Variants in MGAT4B observed in about 807,000 individuals in gnomAD.
MGAT4B encodes the protein alpha-1,3-mannosyl-glycoprotein 4-beta-N-acetylglucosaminyltransferase B.
Under a neutral mutation model 73.9 loss-of-function variants are expected in MGAT4B, and 38 were observed. The observed-to-expected ratio is 0.51, with a 90% CI of 0.40 to 0.67. The LOEUF is 0.67. MGAT4B is among the 30% of genes least tolerant of loss of function. MGAT4B has a pLI of 0.00. For synonymous variants in MGAT4B, 373 were observed against 313.5 expected (o/e 1.19, Z -2.01); for missense variants, 686 against 735.2 (o/e 0.93, Z 0.77).
At position 179,800,062 on chromosome 5, in the gene MGAT4B, C is replaced by T; in HGVS notation, c.802G>A (p.Asp268Asn). The change falls in exon 8 of 15, where the codon GAT (aspartate) becomes AAT (asparagine). Residue 268 changes from aspartate to asparagine, a missense_variant. Coordinates refer to ENST00000292591, the MANE Select transcript of MGAT4B (RefSeq NM_014275.5). ...TAGTTGGGCTTGGCCACGATGTCAT[C>T]CTCCAGCTGCGAGGTGAGCAGAGAG... ...SKGIYYVQLEDDIVAKPNYLS... is the reference protein window; with the variant it reads ...SKGIYYVQLENDIVAKPNYLS... 2 of 1,613,950 alleles carry T rather than the reference C, an allele frequency of 1.2e-6. No individual in the cohort carries two copies. Among genetic ancestry groups the T allele is most frequent in the Non-Finnish European group, 8.5e-7 (1 of 1,179,918 alleles).
chr5:179,799,336 G>A, intron 9 of MGAT4B, 26 bp from the exon 10 acceptor site: 2 of 1,610,858 alleles, frequency 1.2e-6, no homozygotes, highest in Non-Finnish European at 1.7e-6. Context: ...AACACCCCAG[G>A]GCTCGGCTTA....
At position 179,797,899 on chromosome 5, in the gene MGAT4B, C is replaced by A; in HGVS notation, c.*146G>T. The A allele has an allele frequency of 1.7e-6, 2 of 1,180,916 alleles. No individual in the cohort carries two copies. The allele number at this position is 1,180,916 out of a possible 1,614,324, so 73.2% of individuals were successfully genotyped here. A position where few individuals can be genotyped will look rare whatever the true frequency, so the allele number is the denominator to read the frequency against. On this transcript the variant is annotated 3_prime_UTR_variant, in exon 15 of 15. Coordinates refer to ENST00000292591, the MANE Select transcript of MGAT4B (RefSeq NM_014275.5). ...CCAGCTCCTAGGGCCTCCGGGCCAG[C>A]GGCGGACCCCAGGCCGGCCCAAGCC...
chr5:179,806,410 C>T lies in MGAT4B; in HGVS notation c.97+77G>A, dbSNP rs1197359111. 4 of 945,308 alleles carry T rather than the reference C, an allele frequency of 4.2e-6. No homozygotes were observed. The highest frequency in any genetic ancestry group is 6.8e-5 in the East Asian group (1 of 14,778). The allele number at this position is 945,308 out of a possible 1,614,324, so 58.6% of individuals were successfully genotyped here. On this transcript the variant is annotated intron_variant, in intron 1 of 14. Coordinates refer to ENST00000292591, the MANE Select transcript of MGAT4B (RefSeq NM_014275.5). This position sits in a 1 kb window ranked among gnomAD's most constrained non-coding sequence, Gnocchi z 4.6. ...CCTGCGTCGGCTTCCGGCCGCCTTCCGCGGCCACCGCCGGGCCCGCTCCCG... is the reference window on the plus strand; with the variant it reads ...CCTGCGTCGGCTTCCGGCCGCCTTCTGCGGCCACCGCCGGGCCCGCTCCCG...
rs373982998 is a variant in MGAT4B at position 179,800,573 on chromosome 5, C to T, written c.630G>A (p.Gly210=). Residue 210 remains glycine (G), a synonymous_variant, in exon 6 of 15, where the codon GGG becomes GGA. Coordinates refer to ENST00000292591, the MANE Select transcript of MGAT4B (RefSeq NM_014275.5). ...GGGAGGGTGAGATGACCTCCAGGAGCCCAGAATGGATCTCCGTGGGGAACC... is the reference window on the plus strand; with the variant it reads ...GGGAGGGTGAGATGACCTCCAGGAGTCCAGAATGGATCTCCGTGGGGAACC... The part of the protein sequence containing the change: ...KALFPTEIHS[G]LLEVISPSPH... 1.7e-5 allele frequency: 27 copies of T among 1,611,210 alleles called. No individual in the cohort carries two copies. The African/African-American group carries it at 3.1e-4, about 18-fold the overall frequency.
chr5:179,802,727 C>G (rs999040152), intron 1 of MGAT4B: 1 of 985,710 alleles, frequency 1.0e-6, no homozygotes, highest in Non-Finnish European at 1.2e-6. Flanking sequence ...TGGGGCAGCA[C>G]AGAGGTGGGG....
Position 179,798,389 on chromosome 5 carries a change from T to TGGCGGTGCGGCCCTCCTGCAGGGC in MGAT4B, c.1444_1467dup (p.Ala482_Ala489dup). On this transcript the variant is annotated inframe_insertion, in exon 13 of 15. Coordinates refer to ENST00000292591, the MANE Select transcript of MGAT4B (RefSeq NM_014275.5). Reference sequence around the variant, plus strand: ...TCGGGGCTCCGAGGGTACCGGAGGGTGGCGGTGCGGCCCTCCTGCAGGGCC... The same window carrying TGGCGGTGCGGCCCTCCTGCAGGGC: ...TCGGGGCTCCGAGGGTACCGGAGGGTGGCGGTGCGGCCCTCCTGCAGGGCGGCGGTGCGGCCCTCCTGCAGGGCC... 6.2e-7 allele frequency: 1 copy of TGGCGGTGCGGCCCTCCTGCAGGGC among 1,612,532 alleles called. No individual in the cohort carries two copies. Among genetic ancestry groups the TGGCGGTGCGGCCCTCCTGCAGGGC allele is most frequent in the Admixed American group, 1.7e-5 (1 of 59,990 alleles).
At chr5:179,800,372 T>A in intron 6 of MGAT4B, 112 bp downstream of exon 6, 1 of 1,452,790 alleles carries the variant, frequency 6.9e-7, no homozygotes, top group Non-Finnish European at 9.6e-7. Flanking sequence ...GCACGGGTCC[T>A]CCCATGGAGA....
At position 179,797,947 on chromosome 5, in the gene MGAT4B, G is replaced by T; in HGVS notation, c.*98C>A. ...GCCCGACGCCAGGCAGAACCCTTTGGGCGGGGCCGTATCTGGCCCTCCGGG... is the reference window on the plus strand; with the variant it reads ...GCCCGACGCCAGGCAGAACCCTTTGTGCGGGGCCGTATCTGGCCCTCCGGG... On this transcript the variant is annotated 3_prime_UTR_variant, in exon 15 of 15. Coordinates refer to ENST00000292591, the MANE Select transcript of MGAT4B (RefSeq NM_014275.5). 2 of 1,489,386 alleles carry T rather than the reference G, an allele frequency of 1.3e-6. No individual in the cohort carries two copies. The highest frequency in any genetic ancestry group is 1.2e-5 in the South Asian group (1 of 82,666). 92.3% of individuals were successfully genotyped at this position (1,489,386 alleles called of 1,614,324 possible). A position where few individuals can be genotyped will look rare whatever the true frequency, so the allele number is the denominator to read the frequency against.
chr5:179,804,347 G>A (rs1260916671), intron 1 of MGAT4B, among the ~76,000 whole-genome samples: 1 of 152,186 alleles, frequency 6.6e-6, no homozygotes, highest in Non-Finnish European at 1.5e-5. Flanking sequence ...AGGAGTAAGG[G>A]TGTCCATCAT....
chr5:179,800,948 G>A lies in MGAT4B; in HGVS notation c.564C>T (p.Asp188=). The A allele has an allele frequency of 6.2e-7, 1 of 1,613,934 alleles. No individual in the cohort carries two copies. The highest frequency in any genetic ancestry group is 8.5e-7 in the Non-Finnish European group (1 of 1,179,964). ...SVIVVLIAET[D]SQYTSAVTEN... The stretch of plus-strand genomic sequence containing the variant: ...CTGTCACTGCCGAAGTGTACTGTGA[G>A]TCAGTCTGTGGGGAGACCAAGCACC... The change falls in exon 5 of 15, where the codon GAC becomes GAT. Residue 188 remains aspartate (D), a synonymous_variant. Coordinates refer to ENST00000292591, the MANE Select transcript of MGAT4B (RefSeq NM_014275.5).
chr5:179,802,889 C>T (rs1581979253), intron 1 of MGAT4B: 42 of 985,458 alleles, frequency 4.3e-5, no homozygotes, highest in Non-Finnish European at 5.1e-5. Flanking sequence ...ATGTGGCCTA[C>T]AAGGCCTTCT....
At position 179,800,260 on chromosome 5, in the gene MGAT4B, C is replaced by T. The variant is rs1262169294; in HGVS notation, c.720-1G>A. 2 of 1,613,098 alleles carry T rather than the reference C, an allele frequency of 1.2e-6. No individual in the cohort carries two copies. Among genetic ancestry groups the T allele is most frequent in the Non-Finnish European group, 8.5e-7 (1 of 1,180,006 alleles). ...ATCGAGGTTCTGTTTGGTCCTCCAC[C>T]TGTGGGCCGGGGCGGGGCCTCAGAA... On this transcript the variant is annotated splice_acceptor_variant, in intron 6 of 14. Coordinates refer to ENST00000292591, the MANE Select transcript of MGAT4B (RefSeq NM_014275.5). LOFTEE classifies it high-confidence loss of function.
intron 1 of MGAT4B, 125 bp from the exon 2 acceptor site, chr5:179,802,094 G>A: frequency 6.4e-7 from 1 of 1,568,534 alleles, no homozygotes; most frequent in South Asian, 1.2e-5. Flanking sequence ...CTGTTCTTGT[G>A]CCTGCCACAC....
Position 179,801,699 on chromosome 5 carries a change from G to C in MGAT4B, c.284-5C>G. ...ACGGCTTCAATCGGGGGTCCTCTGG[G>C]TGGGTCGGGAAGGATCGGGACTGAG... On this transcript the variant is annotated splice_region_variant and splice_polypyrimidine_tract_variant and intron_variant, in intron 2 of 14. Transcript: ENST00000292591. This position sits in a 1 kb window ranked among gnomAD's most constrained non-coding sequence, Gnocchi z 4.8. The C allele has an allele frequency of 6.2e-7, 1 of 1,608,020 alleles. No individual in the cohort carries two copies. Among genetic ancestry groups the C allele is most frequent in the Non-Finnish European group, 8.5e-7 (1 of 1,178,536 alleles).
At chr5:179,802,164 C>T (rs1228215593) in intron 1 of MGAT4B, 195 bp from the exon 2 acceptor site, 3 of 1,504,854 alleles carry the variant, frequency 2.0e-6, no homozygotes, top group African/African-American at 2.8e-5. Context: ...GGGAGAAAAC[C>T]AGGGGAATTA....
intron 11 of MGAT4B, 150 bp from the exon 12 acceptor site, chr5:179,798,741 AT>A: frequency 9.1e-7 from 1 of 1,095,484 alleles, no homozygotes; most frequent in East Asian, 2.6e-5. Context: ...CTCTGGGAGG[AT>A]GGTGACAGGA....
In MGAT4B at chr5:179,800,271, G is replaced by T. The variant is rs373873450; in HGVS notation, c.720-12C>A. The T allele has an allele frequency of 6.8e-6, 11 of 1,612,984 alleles. No homozygotes were observed. The African/African-American group carries it at 1.2e-4, about 18-fold the overall frequency. On this transcript the variant is annotated splice_polypyrimidine_tract_variant and intron_variant, in intron 6 of 14. Coordinates refer to ENST00000292591, the MANE Select transcript of MGAT4B (RefSeq NM_014275.5). ...GTTTGGTCCTCCACCTGTGGGCCGGGGCGGGGCCTCAGAAGTTCAGACCCC... is the reference window on the plus strand; with the variant it reads ...GTTTGGTCCTCCACCTGTGGGCCGGTGCGGGGCCTCAGAAGTTCAGACCCC...
chr5:179,803,301 G>A (rs1475773584), intron 1 of MGAT4B: 47 of 982,342 alleles, frequency 4.8e-5, no homozygotes, highest in Non-Finnish European at 5.7e-5. Flanking sequence ...CTGGCGGGAG[G>A]GAAAGGGGAG....
intron 11 of MGAT4B, 24 bp downstream of exon 11, chr5:179,798,904 C>G: frequency 6.2e-7 from 1 of 1,612,894 alleles, no homozygotes; most frequent in South Asian, 1.1e-5. Flanking sequence ...GCCCCCATCG[C>G]AGACCCATGG....
Sources: allele counts gnomAD v4.1 joint callset (sites outside exome capture counted in the v4.1 genomes callset), GRCh38; gene constraint gnomAD v4.1.1; non-coding constraint Gnocchi (gnomAD v3.1); transcripts MANE v1.5; gene names NCBI Gene and HGNC (gene_info 2026-07-23, HGNC 2026-07-21).